EPO: variants seen among roughly 807,000 people sequenced by gnomAD.
EPO encodes erythropoietin.
In EPO, 12 loss-of-function variants were observed where a neutral mutation model predicts 24.4. The observed-to-expected ratio is 0.49, with a 90% CI of 0.32 to 0.80. EPO has a LOEUF of 0.80. Ranked by LOEUF, EPO falls within the 30% of genes least tolerant of loss-of-function variation. The pLI, the probability that EPO is intolerant of heterozygous loss-of-function variation, is 0.04. For missense variants in EPO, 210 were observed against 238.0 expected (o/e 0.88, Z 0.77); for synonymous variants, 107 against 104.0 (o/e 1.03, Z -0.18).
rs112531112 is a variant in EPO at position 100,721,869 on chromosome 7, T to A, written c.160-93T>A. The A allele has an allele frequency of 3.3e-6, 5 of 1,527,810 alleles. No individual in the cohort carries two copies. The highest frequency in any genetic ancestry group is 1.4e-5 in the African/African-American group (1 of 71,854). The allele number at this position is 1,527,810 out of a possible 1,614,324, so 94.6% of individuals were successfully genotyped here. A position where few individuals can be genotyped will look rare whatever the true frequency, so the allele number is the denominator to read the frequency against. On this transcript the variant is annotated intron_variant, in intron 2 of 4. Transcript: ENST00000252723. The surrounding 1 kb of genome is among the most constrained non-coding windows in gnomAD (Gnocchi z 4.0). ...GTGGCCCCAAACCATACCTGGAAAC[T>A]AGGCAAGGAGCAAAGCCAGCAGATC...
intron 3 of EPO, 57 bp downstream of exon 3, chr7:100,722,105 G>A: frequency 2.0e-6 from 3 of 1,466,284 alleles, no homozygotes; most frequent in Non-Finnish European, 1.8e-6. Context: ...TTGCGAGCCT[G>A]ATTTTGGATG....
chr7:100,721,018 C>G lies in EPO; in HGVS notation c.13+25C>G. 1 of 1,566,084 alleles carries G rather than the reference C, an allele frequency of 6.4e-7. No individual in the cohort carries two copies. Among genetic ancestry groups the G allele is most frequent in the Non-Finnish European group, 8.6e-7 (1 of 1,157,612 alleles). ...GGTGAGTACTCGCGGGCTGGGCGCTCCCGCCCGCCCGGGTCCCTGTTTGAG... is the reference window on the plus strand; with the variant it reads ...GGTGAGTACTCGCGGGCTGGGCGCTGCCGCCCGCCCGGGTCCCTGTTTGAG... On this transcript the variant is annotated intron_variant, in intron 1 of 4. Coordinates refer to ENST00000252723, the MANE Select transcript of EPO (RefSeq NM_000799.4). The surrounding 1 kb of genome is among the most constrained non-coding windows in gnomAD (Gnocchi z 4.0).
At position 100,721,033 on chromosome 7, in the gene EPO, C is replaced by G. The variant is rs761220295; in HGVS notation, c.13+40C>G. ...GCTGGGCGCTCCCGCCCGCCCGGGT[C>G]CCTGTTTGAGCGGGGATTTAGCGCC... On this transcript the variant is annotated intron_variant, in intron 1 of 4. Coordinates refer to ENST00000252723, the MANE Select transcript of EPO (RefSeq NM_000799.4). The surrounding 1 kb of genome is among the most constrained non-coding windows in gnomAD (Gnocchi z 4.0). The G allele has an allele frequency of 7.1e-6, 11 of 1,541,666 alleles. No homozygotes were observed. Among genetic ancestry groups the G allele is most frequent in the Non-Finnish European group, 7.9e-6 (9 of 1,145,536 alleles).
At position 100,723,214 on chromosome 7, in the gene EPO, C is replaced by A; in HGVS notation, c.*81C>A. 1.3e-6 allele frequency: 2 copies of A among 1,534,602 alleles called. No homozygotes were observed. Among genetic ancestry groups the A allele is most frequent in the Non-Finnish European group, 1.8e-6 (2 of 1,127,908 alleles). The stretch of plus-strand genomic sequence containing the variant: ...CACACCCTCCCCCGCCACTCCTGAA[C>A]CCCGTCGAGGGGCTCTCAGCTCAGC... On this transcript the variant is annotated 3_prime_UTR_variant, in exon 5 of 5. Transcript: ENST00000252723.
At position 100,720,991 on chromosome 7, in the gene EPO, A is replaced by G. The variant is rs1390708502; in HGVS notation, c.11A>G (p.His4Arg). Residue 4 changes from histidine to arginine, a missense_variant and splice_region_variant, in exon 1 of 5, where the codon CAC (histidine) becomes CGC (arginine). By Grantham distance (29) the His-to-Arg change is conservative (BLOSUM62 0). Transcript: ENST00000252723. ...CGGCCAGGCGCGGAGATGGGGGTGC[A>G]CGGTGAGTACTCGCGGGCTGGGCGC... MGV[H>R]ECPAWLWLLL... is the part of the protein sequence containing the mutation. 2 of 1,579,502 alleles carry G rather than the reference A, an allele frequency of 1.3e-6. No individual in the cohort carries two copies. The highest frequency in any genetic ancestry group is 3.6e-5 in the Admixed American group (2 of 56,134).
rs762396931 is a variant in EPO at position 100,721,740 on chromosome 7, C to G, written c.159+37C>G. ...TCCCCAGCACATTCCACAGAACTCA[C>G]GCTCAGGGCTTCAGGGAACTCCTCC... On this transcript the variant is annotated intron_variant, in intron 2 of 4. Coordinates refer to ENST00000252723, the MANE Select transcript of EPO (RefSeq NM_000799.4). The surrounding 1 kb of genome is among the most constrained non-coding windows in gnomAD (Gnocchi z 4.0). 1.7e-5 allele frequency: 27 copies of G among 1,589,958 alleles called. No homozygotes were observed. Among genetic ancestry groups the G allele is most frequent in the Admixed American group, 1.2e-4 (7 of 57,508 alleles).
chr7:100,722,747 C>T lies in EPO; in HGVS notation c.330C>T (p.Asn110=). Residue 110 remains asparagine, a synonymous_variant, in exon 4 of 5, where the codon AAC becomes AAT. Transcript: ENST00000252723. ...AVLRGQALLV[N]SSQPWEPLQL... ...TGCGGGGCCAGGCCCTGTTGGTCAACTCTTCCCAGCCGTGGGAGCCCCTGC... is the reference window on the plus strand; with the variant it reads ...TGCGGGGCCAGGCCCTGTTGGTCAATTCTTCCCAGCCGTGGGAGCCCCTGC... 6.2e-7 allele frequency: 1 copy of T among 1,613,942 alleles called. No homozygotes were observed. The highest frequency in any genetic ancestry group is 2.2e-5 in the East Asian group (1 of 44,830).
rs1806735901 is a variant in EPO at position 100,721,302 on chromosome 7, A to G, written c.14-256A>G. ...TGATAACCTGGGCGCTGGAGCCACC[A>G]CTTATCTGCCAGAGGGGAAGCCTCT... On this transcript the variant is annotated intron_variant, in intron 1 of 4. Coordinates refer to ENST00000252723, the MANE Select transcript of EPO (RefSeq NM_000799.4). The surrounding 1 kb of genome is among the most constrained non-coding windows in gnomAD (Gnocchi z 4.0). 6.6e-6 allele frequency among the ~76,000 whole-genome samples: 1 copy of G among 152,076 alleles called. No individual in the cohort carries two copies. The highest frequency in any genetic ancestry group is 2.1e-4 in the South Asian group (1 of 4,828).
At position 100,721,535 on chromosome 7, in the gene EPO, C is replaced by T; in HGVS notation, c.14-23C>T. Reference sequence around the variant, plus strand: ...CACCCTTCTCCCTCCCCGCCTGACTCTCAGCCTGGCTATCTGTTCTAGAAT... The same window carrying T: ...CACCCTTCTCCCTCCCCGCCTGACTTTCAGCCTGGCTATCTGTTCTAGAAT... On this transcript the variant is annotated intron_variant, in intron 1 of 4. Transcript: ENST00000252723. The surrounding 1 kb of genome is among the most constrained non-coding windows in gnomAD (Gnocchi z 4.0). 1 of 1,610,044 alleles carries T rather than the reference C, an allele frequency of 6.2e-7. No individual in the cohort carries two copies. The highest frequency in any genetic ancestry group is 8.5e-7 in the Non-Finnish European group (1 of 1,177,628).
In EPO at chr7:100,722,039, G is replaced by A. The variant is rs57694744; in HGVS notation, c.237G>A (p.Lys79=). The A allele has an allele frequency of 4.3e-4, 691 of 1,589,610 alleles. 4 individuals carry two copies. In the African/African-American group the frequency reaches 8.7e-3, roughly 20 times the overall value. The change falls in exon 3 of 5, where the codon AAG becomes AAA. Residue 79 remains lysine, a synonymous_variant. Coordinates refer to ENST00000252723, the MANE Select transcript of EPO (RefSeq NM_000799.4). Reference sequence around the variant, plus strand: ...CCAAAGTTAATTTCTATGCCTGGAAGAGGATGGAGGTGAGTTCCTTTTTTT... The same window carrying A: ...CCAAAGTTAATTTCTATGCCTGGAAAAGGATGGAGGTGAGTTCCTTTTTTT... ...PDTKVNFYAW[K]RMEVGQQAVE... is the part of the protein sequence containing the mutation.
In EPO at chr7:100,721,856, C is replaced by G; in HGVS notation, c.160-106C>G. On this transcript the variant is annotated intron_variant, in intron 2 of 4. Coordinates refer to ENST00000252723, the MANE Select transcript of EPO (RefSeq NM_000799.4). This position sits in a 1 kb window ranked among gnomAD's most constrained non-coding sequence, Gnocchi z 4.0. ...AAGAATAAGTCTGGTGGCCCCAAAC[C>G]ATACCTGGAAACTAGGCAAGGAGCA... 6.6e-7 allele frequency: 1 copy of G among 1,518,108 alleles called. No homozygotes were observed. Among genetic ancestry groups the G allele is most frequent in the Non-Finnish European group, 8.9e-7 (1 of 1,125,486 alleles). 94.0% of individuals were successfully genotyped at this position (1,518,108 alleles called of 1,614,324 possible).
Position 100,721,735 on chromosome 7 carries a change from A to T in EPO, c.159+32A>T. On this transcript the variant is annotated intron_variant, in intron 2 of 4. Coordinates refer to ENST00000252723, the MANE Select transcript of EPO (RefSeq NM_000799.4). This position sits in a 1 kb window ranked among gnomAD's most constrained non-coding sequence, Gnocchi z 4.0. ...CCCCTTCCCCAGCACATTCCACAGAACTCACGCTCAGGGCTTCAGGGAACT... is the reference window on the plus strand; with the variant it reads ...CCCCTTCCCCAGCACATTCCACAGATCTCACGCTCAGGGCTTCAGGGAACT... 6.3e-7 allele frequency: 1 copy of T among 1,594,704 alleles called. No individual in the cohort carries two copies. Among genetic ancestry groups the T allele is most frequent in the Non-Finnish European group, 8.5e-7 (1 of 1,174,414 alleles).
chr7:100,722,160 T>A, intron 3 of EPO, 112 bp downstream of exon 3: 1 of 983,264 alleles, frequency 1.0e-6, no homozygotes, highest in Non-Finnish European at 1.5e-6. Flanking sequence ...GCAGCAGAGA[T>A]GAGGCTGCCT....
At position 100,721,484 on chromosome 7, in the gene EPO, G is replaced by T; in HGVS notation, c.14-74G>T. On this transcript the variant is annotated intron_variant, in intron 1 of 4. Coordinates refer to ENST00000252723, the MANE Select transcript of EPO (RefSeq NM_000799.4). This position sits in a 1 kb window ranked among gnomAD's most constrained non-coding sequence, Gnocchi z 4.0. ...GGACGAGCTGGGGCAGAGACGTGGG[G>T]ATGAAGGAAGCTGTCCTTCCACAGC... 1 of 1,559,512 alleles carries T rather than the reference G, an allele frequency of 6.4e-7. No individual in the cohort carries two copies. Among genetic ancestry groups the T allele is most frequent in the African/African-American group, 1.4e-5 (1 of 73,980 alleles).
chr7:100,721,529 C>T lies in EPO; in HGVS notation c.14-29C>T, dbSNP rs1238798138. On this transcript the variant is annotated intron_variant, in intron 1 of 4. Transcript: ENST00000252723. This position sits in a 1 kb window ranked among gnomAD's most constrained non-coding sequence, Gnocchi z 4.0. ...CACAGCCACCCTTCTCCCTCCCCGC[C>T]TGACTCTCAGCCTGGCTATCTGTTC... 2.5e-6 allele frequency: 4 copies of T among 1,608,194 alleles called. No homozygotes were observed. Among genetic ancestry groups the T allele is most frequent in the Non-Finnish European group, 3.4e-6 (4 of 1,176,470 alleles).
chr7:100,721,367 T>C lies in EPO; in HGVS notation c.14-191T>C, dbSNP rs1361417802. Among the ~76,000 whole-genome samples the C allele has an allele frequency of 6.6e-6, 1 of 151,948 alleles. No individual in the cohort carries two copies. The highest frequency in any genetic ancestry group is 1.9e-4 in the East Asian group (1 of 5,164). On this transcript the variant is annotated intron_variant, in intron 1 of 4. Coordinates refer to ENST00000252723, the MANE Select transcript of EPO (RefSeq NM_000799.4). This position sits in a 1 kb window ranked among gnomAD's most constrained non-coding sequence, Gnocchi z 4.0. ...GAAGTTTGGCCGGAGAAGTGGATGC[T>C]GGTAGCTGGGGGTGGGGTGTGCACA...
rs530387518 is a variant in EPO, at chr7:100,721,722, C to A, written c.159+19C>A. The A allele has an allele frequency of 1.1e-5, 17 of 1,603,444 alleles. No individual in the cohort carries two copies. In the South Asian group the frequency reaches 1.9e-4, roughly 18 times the overall value. On this transcript the variant is annotated intron_variant, in intron 2 of 4. Coordinates refer to ENST00000252723, the MANE Select transcript of EPO (RefSeq NM_000799.4). The surrounding 1 kb of genome is among the most constrained non-coding windows in gnomAD (Gnocchi z 4.0). ...TATCACGGTGAGACCCCTTCCCCAG[C>A]ACATTCCACAGAACTCACGCTCAGG... is the stretch of plus-strand genomic sequence containing the variant.
rs1806767123 is a variant in EPO at position 100,722,795 on chromosome 7, C to G, written c.378C>G (p.Val126=). The part of the protein sequence containing the change: ...EPLQLHVDKA[V]SGLRSLTTLL... ...TGCAGCTGCATGTGGATAAAGCCGT[C>G]AGTGGCCTTCGCAGCCTCACCACTC... is the stretch of plus-strand genomic sequence containing the variant. Residue 126 remains valine (V), a synonymous_variant, in exon 4 of 5, where the codon GTC becomes GTG. Transcript: ENST00000252723. 1.9e-6 allele frequency: 3 copies of G among 1,613,956 alleles called. No individual in the cohort carries two copies. The highest frequency in any genetic ancestry group is 1.3e-5 in the African/African-American group (1 of 74,940).
At chr7:100,722,441 C>T (rs1462588653) in intron 3 of EPO, among the ~76,000 whole-genome samples, 3 of 151,962 alleles carry the variant, frequency 2.0e-5, no homozygotes, top group Non-Finnish European at 4.4e-5. Context: ...CAGAGTGAGG[C>T]CCTGTCTCAA....
Sources: gnomAD v4.1 joint callset for allele counts (sites outside exome capture counted in the v4.1 genomes callset) on GRCh38, gnomAD v4.1.1 for gene constraint, Gnocchi (gnomAD v3.1) non-coding constraint, MANE v1.5 for transcripts, NCBI Gene and HGNC (gene_info 2026-07-23, HGNC 2026-07-21) for gene names.